TINAG: variants seen among roughly 807,000 people sequenced by gnomAD.
The protein encoded by TINAG is tubulointerstitial nephritis antigen.
A neutral mutation model predicts 72.7 loss-of-function variants in TINAG; 83 were observed. That is an observed-to-expected ratio of 1.14 (90% CI 0.96 to 1.37). The LOEUF (loss-of-function observed/expected upper bound fraction) is 1.37, where lower values mean the gene tolerates loss of function less well. Ranked by LOEUF, TINAG falls within the 40% of genes most tolerant of loss-of-function variation. The probability of loss-of-function intolerance (pLI) is 0.00; values close to 1 mark genes in which losing one functional copy is unlikely to be tolerated. For synonymous variants in TINAG, 234 were observed against 189.9 expected, an observed-to-expected ratio of 1.23 and a Z score of -1.91; for missense variants, 685 against 576.6, an observed-to-expected ratio of 1.19 and a Z score of -1.93.
chr6:54,359,719 A>G (rs1453363816), intron 9 of TINAG, among the ~76,000 whole-genome samples: 2 of 151,860 alleles, frequency 1.3e-5, no homozygotes, highest in Admixed American at 6.6e-5. Flanking sequence ...TTTGGAAAAT[A>G]TATACTTTTT....
At chr6:54,332,130 A>G (rs1220137336) in intron 4 of TINAG, among the ~76,000 whole-genome samples, 4 of 152,186 alleles carry the variant, frequency 2.6e-5, no homozygotes, top group Non-Finnish European at 4.4e-5. Flanking sequence ...TAAATTTTAT[A>G]TGGAATGAAA....
intron 9 of TINAG, among the ~76,000 whole-genome samples, chr6:54,361,071 G>A (rs12194018): frequency 4.1e-4 from 62 of 150,830 alleles, no homozygotes; most frequent in Admixed American, 2.1e-3. Flanking sequence ...TTGGGGTGCC[G>A]CAAACAGCAC....
chr6:54,333,334 G>A (rs958085567), intron 4 of TINAG, among the ~76,000 whole-genome samples: 2 of 152,132 alleles, frequency 1.3e-5, no homozygotes, highest in Non-Finnish European at 2.9e-5. Flanking sequence ...GGATGAAGCT[G>A]GAAACCATCA....
chr6:54,370,372 A>G (rs914520829), intron 9 of TINAG, among the ~76,000 whole-genome samples: 2 of 152,074 alleles, frequency 1.3e-5, no homozygotes, highest in Non-Finnish European at 2.9e-5. Flanking sequence ...GTTATGTTGA[A>G]TGACTTCCAA....
chr6:54,385,475 A>T (rs1764071850), intron 10 of TINAG, among the ~76,000 whole-genome samples: 1 of 93,608 alleles, frequency 1.1e-5, no homozygotes, highest in South Asian at 3.5e-4. Context: ...GTTATGGAAC[A>T]ATTTGAAAAA....
At chr6:54,350,718 G>T (rs956532592) in intron 7 of TINAG, among the ~76,000 whole-genome samples, 1 of 149,698 alleles carries the variant, frequency 6.7e-6, no homozygotes. Flanking sequence ...CGTTTTCCTT[G>T]ATTTCCAGGC....
intron 9 of TINAG, among the ~76,000 whole-genome samples, chr6:54,370,891 A>G (rs1167352779): frequency 6.6e-6 from 1 of 152,046 alleles, no homozygotes; most frequent in African/African-American, 2.4e-5. Flanking sequence ...CTGGTCCTTC[A>G]TTGATTCATC....
At chr6:54,384,939 T>C (rs561238082) in intron 10 of TINAG, among the ~76,000 whole-genome samples, 5 of 152,182 alleles carry the variant, frequency 3.3e-5, no homozygotes, top group Non-Finnish European at 7.4e-5. Context: ...TGCTGGTCCA[T>C]AGGGCATGTT....
intron 9 of TINAG, among the ~76,000 whole-genome samples, chr6:54,358,732 T>C (rs915284280): frequency 8.6e-5 from 13 of 151,836 alleles, no homozygotes; most frequent in African/African-American, 3.1e-4. Context: ...ACTCTTTGCC[T>C]TTCTTTTTTA....
intron 10 of TINAG, among the ~76,000 whole-genome samples, chr6:54,382,101 T>C (rs571561725): frequency 6.6e-6 from 1 of 152,212 alleles, no homozygotes; most frequent in South Asian, 2.1e-4. Context: ...AACTACATTG[T>C]TGTACTTACT....
intron 1 of TINAG, among the ~76,000 whole-genome samples, chr6:54,320,170 T>G (rs1582698025): frequency 6.6e-6 from 1 of 152,268 alleles, no homozygotes; most frequent in Non-Finnish European, 1.5e-5. Flanking sequence ...GCTACTTGCT[T>G]CAGTCATATC....
At chr6:54,340,081 C>T (rs1342154802) in intron 4 of TINAG, among the ~76,000 whole-genome samples, 1 of 152,172 alleles carries the variant, frequency 6.6e-6, no homozygotes, top group Non-Finnish European at 1.5e-5. Context: ...AAATGTTATA[C>T]AATTCTCCAG....
At chr6:54,313,350 C>G (rs544639315) in intron 1 of TINAG, among the ~76,000 whole-genome samples, 1 of 152,072 alleles carries the variant, frequency 6.6e-6, no homozygotes, top group South Asian at 2.1e-4. Context: ...CAAGATTGGG[C>G]AGACAAGGGA....
At chr6:54,308,325 T>C, upstream of TINAG, 3 of 640,176 alleles carry the variant, frequency 4.7e-6, no homozygotes, top group East Asian at 2.7e-5. Flanking sequence ...TTTTTAACTT[T>C]GGGGGAATAA....
At chr6:54,372,564 C>T (rs1763652742) in intron 9 of TINAG, among the ~76,000 whole-genome samples, 1 of 151,796 alleles carries the variant, frequency 6.6e-6, no homozygotes, top group South Asian at 2.1e-4. Flanking sequence ...AAGGTGGCTT[C>T]TGACTTCTGT....
At chr6:54,357,471 T>G (rs980983464) in intron 9 of TINAG, among the ~76,000 whole-genome samples, 1 of 152,062 alleles carries the variant, frequency 6.6e-6, no homozygotes, top group East Asian at 1.9e-4. Flanking sequence ...AGGGAGTAAA[T>G]GCTTCAAATT....
intron 9 of TINAG, among the ~76,000 whole-genome samples, chr6:54,362,847 G>A (rs1018930231): frequency 2.0e-5 from 3 of 151,410 alleles, no homozygotes; most frequent in African/African-American, 7.3e-5. Flanking sequence ...GATTACTGTG[G>A]GTGGATTTCG....
chr6:54,344,594 C>T (rs1261535026), intron 5 of TINAG, among the ~76,000 whole-genome samples: 1 of 152,058 alleles, frequency 6.6e-6, no homozygotes, highest in Non-Finnish European at 1.5e-5. Context: ...AAGAATTTTG[C>T]CTAAAATTTA....
chr6:54,330,449 TA>T (rs1216044422), intron 4 of TINAG, among the ~76,000 whole-genome samples: 3 of 152,150 alleles, frequency 2.0e-5, no homozygotes, highest in Non-Finnish European at 4.4e-5. Flanking sequence ...GGGACACAGC[TA>T]AAACAGTGTT....
Sources: allele counts gnomAD v4.1 joint callset (sites outside exome capture counted in the v4.1 genomes callset), GRCh38; gene constraint gnomAD v4.1.1; transcripts MANE v1.5; gene names NCBI Gene and HGNC (gene_info 2026-07-23, HGNC 2026-07-21).